Variants in BRWD1 observed in about 807,000 individuals in gnomAD.
BRWD1 encodes the protein bromodomain and WD repeat-containing protein 1.
In BRWD1, 82 loss-of-function variants were observed where a neutral mutation model predicts 251.2. That is an observed-to-expected ratio of 0.33 (90% CI 0.27 to 0.39). The LOEUF is 0.39. Ranked by LOEUF, BRWD1 falls within the 10% of genes least tolerant of loss-of-function variation. The probability of loss-of-function intolerance (pLI) is 1.00; values close to 1 mark genes in which losing one functional copy is unlikely to be tolerated. For missense variants in BRWD1, 2,233 were observed against 2,711.6 expected (o/e 0.82, Z 3.92); for synonymous variants, 918 against 902.8 (o/e 1.02, Z -0.30).
At chr21:39,272,323 A>T (rs75317821) in intron 13 of BRWD1, among the ~76,000 whole-genome samples, 50 of 150,294 alleles carry the variant, frequency 3.3e-4, no homozygotes, top group Non-Finnish European at 6.8e-4. Context: ...AAAAAAAAAA[A>T]AGACCATCCT....
At position 39,196,826 on chromosome 21, in the gene BRWD1, TGCAGTA is replaced by T; in HGVS notation, c.6237_6242del (p.Thr2080_Ala2081del). ...TCAGTTCCACTTCAAAATTATTCTC[TGCAGTA>T]GCTTTTTGTGCCAAGGTTGACTCTG... On this transcript the variant is annotated inframe_deletion, in exon 41 of 41. Coordinates refer to ENST00000342449, the MANE Select transcript of BRWD1 (RefSeq NM_033656.4). 6.2e-7 allele frequency: 1 copy of T among 1,613,582 alleles called. No individual in the cohort carries two copies. Among genetic ancestry groups the T allele is most frequent in the South Asian group, 1.1e-5 (1 of 91,084 alleles).
At chr21:39,259,704 G>C (rs2034678300) in intron 17 of BRWD1, among the ~76,000 whole-genome samples, 1 of 152,132 alleles carries the variant, frequency 6.6e-6, no homozygotes, top group Non-Finnish European at 1.5e-5. Flanking sequence ...GGGCCTGGTG[G>C]CGCACGCCTG....
At chr21:39,270,234 T>C in intron 14 of BRWD1, 49 bp downstream of exon 14, 21 of 1,470,152 alleles carry the variant, frequency 1.4e-5, no homozygotes, top group Non-Finnish European at 1.7e-5. Context: ...AAAATTACAA[T>C]CATATTTCAA....
intron 4 of BRWD1, among the ~76,000 whole-genome samples, chr21:39,307,341 ATTT>A (rs966426664): frequency 6.6e-6 from 1 of 151,904 alleles, no homozygotes; most frequent in African/African-American, 2.4e-5. Flanking sequence ...TTATTTTGTA[ATTT>A]TTTTTACTCT....
intron 15 of BRWD1, among the ~76,000 whole-genome samples, chr21:39,266,553 C>T (rs990114833): frequency 6.6e-6 from 1 of 152,202 alleles, no homozygotes; most frequent in Non-Finnish European, 1.5e-5. Flanking sequence ...GTGGACTTAA[C>T]AGCACCAAAA....
intron 7 of BRWD1, among the ~76,000 whole-genome samples, chr21:39,294,318 T>A (rs931970283): frequency 1.3e-5 from 2 of 152,174 alleles, no homozygotes; most frequent in African/African-American, 2.4e-5. Context: ...AAGTAGTAAG[T>A]CCAACTCAAA....
At chr21:39,283,005 G>C (rs2035521949) in intron 8 of BRWD1, among the ~76,000 whole-genome samples, 1 of 148,696 alleles carries the variant, frequency 6.7e-6, no homozygotes, top group South Asian at 2.1e-4. Flanking sequence ...GTCCATGAAA[G>C]AATATGTTTA....
chr21:39,297,043 G>A lies in BRWD1; in HGVS notation c.350-680C>T, dbSNP rs77471089. The A allele has an allele frequency of 1.1e-5, 11 of 985,298 alleles. No individual in the cohort carries two copies. The East Asian group carries it at 1.0e-3, about 91-fold the overall frequency. 61.0% of individuals were successfully genotyped at this position (985,298 alleles called of 1,614,324 possible). On this transcript the variant is annotated intron_variant, in intron 5 of 40. Coordinates refer to ENST00000342449, the MANE Select transcript of BRWD1 (RefSeq NM_033656.4). Reference sequence around the variant, plus strand: ...GGATCACAGAAAATCCTCTACTGAAGAGCACATACGTAGGATCTGTGACTC... The same window carrying A: ...GGATCACAGAAAATCCTCTACTGAAAAGCACATACGTAGGATCTGTGACTC...
intron 4 of BRWD1, among the ~76,000 whole-genome samples, chr21:39,302,185 T>C (rs1490482803): frequency 1.3e-5 from 2 of 151,574 alleles, no homozygotes; most frequent in Admixed American, 1.3e-4. Context: ...GGTTTCACCA[T>C]GTTGGCCAGG....
chr21:39,291,713 G>A (rs564492207), intron 8 of BRWD1, among the ~76,000 whole-genome samples: 8 of 135,432 alleles, frequency 5.9e-5, no homozygotes, highest in Non-Finnish European at 1.1e-4. Flanking sequence ...TAAAACCTTC[G>A]CCCAGAGGGG....
At chr21:39,216,593 G>A in intron 31 of BRWD1, 1 of 241,894 alleles carries the variant, frequency 4.1e-6, no homozygotes, top group Non-Finnish European at 8.4e-6. Flanking sequence ...AGAGCAGAAA[G>A]GAAACTCATG....
chr21:39,262,070 T>C (rs2034768955), intron 17 of BRWD1, among the ~76,000 whole-genome samples: 1 of 152,134 alleles, frequency 6.6e-6, no homozygotes, highest in Non-Finnish European at 1.5e-5. Context: ...TTTTCAGAGA[T>C]ACAGAGAAAC....
chr21:39,199,302 G>C lies in BRWD1; in HGVS notation c.5114C>G (p.Ser1705Cys). The C allele has an allele frequency of 6.2e-7, 1 of 1,614,162 alleles. No homozygotes were observed. The highest frequency in any genetic ancestry group is 1.1e-5 in the South Asian group (1 of 91,084). The change falls in exon 40 of 41, where the codon TCT becomes TGT. Residue 1705 changes from serine to cysteine, a missense_variant. Ser to Cys is a moderately radical substitution (Grantham distance 112, BLOSUM62 -1). Around this residue, in one of 12 missense-constraint regions of BRWD1, gnomAD observed 928 missense variants for 970.0 expected, o/e 0.96. Transcript: ENST00000342449. ...DENQLLPVSS[S>C]HTAQSNVDES... ...ATCAACATTGCTCTGGGCAGTGTGA[G>C]AACTGGACACTGGTAATAGTTGATT...
At position 39,250,840 on chromosome 21, in the gene BRWD1, A is replaced by G. The variant is rs764092971; in HGVS notation, c.2305T>C (p.Tyr769His). Residue 769 changes from tyrosine (Y) to histidine (H), a missense_variant, in exon 20 of 41, where the codon TAT becomes CAT. Tyr to His is a moderately conservative substitution (Grantham distance 83). Transcript: ENST00000342449. ...GTCTTTCTTTTTCTTCCTATTATATAAAGATTTCTTTCCTCTTCACCTTTC... is the reference window on the plus strand; with the variant it reads ...GTCTTTCTTTTTCTTCCTATTATATGAAGATTTCTTTCCTCTTCACCTTTC... ...LEKGEEERNL[Y>H]IIGRKRKTLQ... 1.9e-6 allele frequency: 3 copies of G among 1,600,952 alleles called. No individual in the cohort carries two copies. Among genetic ancestry groups the G allele is most frequent in the African/African-American group, 1.3e-5 (1 of 74,420 alleles).
intron 15 of BRWD1, among the ~76,000 whole-genome samples, chr21:39,267,608 A>C (rs1438152660): frequency 6.6e-6 from 1 of 152,178 alleles, no homozygotes; most frequent in Non-Finnish European, 1.5e-5. Context: ...CAAACAAAAC[A>C]ATAAAAAATT....
At chr21:39,184,421 A>G (rs775718306), downstream of BRWD1, 1 of 152,230 alleles carries the variant, frequency 6.6e-6, no homozygotes, top group African/African-American at 2.4e-5. Flanking sequence ...TGTTTCAAGC[A>G]AGAGAAAAAG....
chr21:39,261,216 C>T (rs2034733156), intron 17 of BRWD1, among the ~76,000 whole-genome samples: 1 of 152,112 alleles, frequency 6.6e-6, no homozygotes. Flanking sequence ...CAGAGCAAGA[C>T]TCTGTCTCAA....
chr21:39,212,408 A>T (rs1338426005), intron 34 of BRWD1, among the ~76,000 whole-genome samples: 1 of 152,106 alleles, frequency 6.6e-6, no homozygotes, highest in African/African-American at 2.4e-5. Context: ...ATGCCATGCC[A>T]TATTTCTCTA....
chr21:39,209,902 G>A, intron 36 of BRWD1, 93 bp downstream of exon 36: 1 of 1,289,138 alleles, frequency 7.8e-7, no homozygotes, highest in Admixed American at 2.3e-5. Flanking sequence ...CTATTACACA[G>A]TGGAAAATTA....
Sources: allele counts gnomAD v4.1 joint callset (sites outside exome capture counted in the v4.1 genomes callset), GRCh38; gene constraint gnomAD v4.1.1; regional missense constraint gnomAD v4.1.1; transcripts MANE v1.5; gene names NCBI Gene and HGNC (gene_info 2026-07-23, HGNC 2026-07-21).